MAU2: variants seen among roughly 807,000 people sequenced by gnomAD.
The protein encoded by MAU2 is MAU2 sister chromatid cohesion factor.
Under a neutral mutation model 89.1 loss-of-function variants are expected in MAU2, and 9 were observed. That is an observed-to-expected ratio of 0.10 (90% confidence interval 0.06 to 0.18). MAU2 has a LOEUF of 0.18. MAU2 is among the 10% of genes least tolerant of loss of function. The pLI, the probability that MAU2 is intolerant of heterozygous loss-of-function variation, is 1.00. For missense variants in MAU2, 425 were observed against 803.5 expected (o/e 0.53, Z 5.69); for synonymous variants, 357 against 343.4 (o/e 1.04, Z -0.44).
chr19:19,324,618 C>T (rs115809545), intron 1 of MAU2, among the ~76,000 whole-genome samples: 2,430 of 152,292 alleles, frequency 0.016, 73 homozygotes, highest in African/African-American at 0.056. Flanking sequence ...GCAAATTGCT[C>T]GCTTTACCAC....
In MAU2 at chr19:19,356,736, C is replaced by T. The variant is rs2285626; in HGVS notation, c.*954C>T. 0.18 allele frequency: 27,082 copies of T among 153,346 alleles called. 2,946 individuals carry two copies. Among genetic ancestry groups the T allele is most frequent in the African/African-American group, 0.29 (12,147 of 41,466 alleles). The allele number at this position is 153,346 out of a possible 1,614,324, so 9.5% of individuals were successfully genotyped here. On this transcript the variant is annotated 3_prime_UTR_variant, in exon 19 of 19. Coordinates refer to ENST00000262815, the MANE Select transcript of MAU2 (RefSeq NM_015329.4). ...AGCCTCTTGGTCCCCCCACTCCCTC[C>T]ACCGCCTCACCTTCCCTGCTGGGTC...
rs75080934 is a variant in MAU2 at position 19,333,887 on chromosome 19, C to G, written c.277-1831C>G. ...TGCTGCTTGTGTGTGGCAGTGCTGT[C>G]TACCCTGGACTGTGTCTGAAGAGCT... On this transcript the variant is annotated intron_variant, in intron 1 of 18. Transcript: ENST00000262815. 5.3e-3 allele frequency among the ~76,000 whole-genome samples: 803 copies of G among 152,314 alleles called. 1 individual carries two copies. Among genetic ancestry groups the G allele is most frequent in the Non-Finnish European group, 8.4e-3 (571 of 68,026 alleles).
chr19:19,353,650 G>C (rs2061762018), intron 16 of MAU2: 1 of 152,418 alleles, frequency 6.6e-6, no homozygotes, highest in African/African-American at 2.4e-5. Flanking sequence ...CCACATCCAG[G>C]CTTACAGGGC....
At chr19:19,337,119 G>A (rs371838937) in intron 3 of MAU2, 51 bp from the exon 4 acceptor site, 680 of 1,237,664 alleles carry the variant, frequency 5.5e-4, no homozygotes, top group Middle Eastern at 1.3e-3. Flanking sequence ...CTTGATTGCC[G>A]CCTTGTTTTT....
In MAU2 at chr19:19,355,301, T is replaced by C. The variant is rs1412761976; in HGVS notation, c.1677T>C (p.His559=). The C allele has an allele frequency of 6.2e-7, 1 of 1,614,118 alleles. No homozygotes were observed. The change falls in exon 18 of 19, where the codon CAT becomes CAC. Residue 559 remains histidine, a synonymous_variant. Coordinates refer to ENST00000262815, the MANE Select transcript of MAU2 (RefSeq NM_015329.4). ...NKACGNAMDA[H]EAAQMHQNFS... is the part of the protein sequence containing the mutation. Reference sequence around the variant, plus strand: ...CCTGTGGGAACGCCATGGATGCCCATGAAGCCGCCCAGATGCACCAGAACT... The same window carrying C: ...CCTGTGGGAACGCCATGGATGCCCACGAAGCCGCCCAGATGCACCAGAACT...
In MAU2 at chr19:19,356,232, G is replaced by A. The variant is rs770960427; in HGVS notation, c.*450G>A. On this transcript the variant is annotated 3_prime_UTR_variant, in exon 19 of 19. Coordinates refer to ENST00000262815, the MANE Select transcript of MAU2 (RefSeq NM_015329.4). Reference sequence around the variant, plus strand: ...CTGCTCAAGGCAATTTCCAGAGCCCGGATGCCAGTTTCTGGCCTGAATTTG... The same window carrying A: ...CTGCTCAAGGCAATTTCCAGAGCCCAGATGCCAGTTTCTGGCCTGAATTTG... 3.9e-5 allele frequency: 14 copies of A among 356,892 alleles called. No homozygotes were observed. Among genetic ancestry groups the A allele is most frequent in the African/African-American group, 2.6e-4 (12 of 46,916 alleles). The allele number at this position is 356,892 out of a possible 1,614,324, so 22.1% of individuals were successfully genotyped here. A position where few individuals can be genotyped will look rare whatever the true frequency, so the allele number is the denominator to read the frequency against.
intron 1 of MAU2, among the ~76,000 whole-genome samples, chr19:19,332,939 T>C (rs942936224): frequency 6.6e-6 from 1 of 151,986 alleles, no homozygotes; most frequent in Admixed American, 6.6e-5. Context: ...TAGCCAGGCA[T>C]GGTGGCGCAT....
In MAU2 at chr19:19,345,827, C is replaced by T. The variant is rs773041951; in HGVS notation, c.1221+458C>T. ...TGGGCCGGAGAGGGTGAAGCAGCAC[C>T]CCAGGCTCCTGGCCTTAGACGGGGG... On this transcript the variant is annotated intron_variant, in intron 12 of 18. Transcript: ENST00000262815. This position sits in a 1 kb window ranked among gnomAD's most constrained non-coding sequence, Gnocchi z 4.9. Among the ~76,000 whole-genome samples the T allele has an allele frequency of 6.6e-6, 1 of 152,268 alleles. No homozygotes were observed. Among genetic ancestry groups the T allele is most frequent in the South Asian group, 2.1e-4 (1 of 4,828 alleles).
chr19:19,342,447 C>T, intron 7 of MAU2, 88 bp from the exon 8 acceptor site: 3 of 1,440,376 alleles, frequency 2.1e-6, no homozygotes, highest in Non-Finnish European at 2.8e-6. Context: ...CAGATGCTCC[C>T]TAGAGGAAGG....
At chr19:19,352,920 C>G (rs1410637304) in intron 16 of MAU2, 2 of 152,380 alleles carry the variant, frequency 1.3e-5, no homozygotes, top group Non-Finnish European at 2.9e-5. Flanking sequence ...ACAGCCAAGC[C>G]AGTCCTGTGA....
intron 13 of MAU2, chr19:19,347,611 A>C (rs933830565): frequency 6.5e-6 from 3 of 464,692 alleles, no homozygotes; most frequent in African/African-American, 5.9e-5. Context: ...TATCACAAAC[A>C]AACCAAGCTG....
In MAU2 at chr19:19,336,199, T is replaced by C. The variant is rs368523759; in HGVS notation, c.360+12T>C. 6 of 1,602,852 alleles carry C rather than the reference T, an allele frequency of 3.7e-6. No homozygotes were observed. The highest frequency in any genetic ancestry group is 5.1e-6 in the Non-Finnish European group (6 of 1,170,656). On this transcript the variant is annotated intron_variant, in intron 3 of 18. Transcript: ENST00000262815. ...TGTACTGTCAAGAGGTAAGAACATA[T>C]TAAGGTTTCTGAAAGCAAAGTGTCT...
chr19:19,324,828 A>G (rs1447523326), intron 1 of MAU2, among the ~76,000 whole-genome samples: 7 of 152,166 alleles, frequency 4.6e-5, no homozygotes, highest in Admixed American at 4.6e-4. Context: ...AGTTAAAGTA[A>G]TGTTTTCTAT....
At chr19:19,331,501 C>CA (rs34924518) in intron 1 of MAU2, among the ~76,000 whole-genome samples, 83,815 of 144,798 alleles carry the variant, frequency 0.58, 24,882 homozygotes, top group East Asian at 0.67. Flanking sequence ...AACTCCGTCT[C>CA]AAAAAAAAAA....
chr19:19,344,869 G>A lies in MAU2; in HGVS notation c.1098G>A (p.Leu366=), dbSNP rs1409429455. 6.2e-7 allele frequency: 1 copy of A among 1,613,672 alleles called. No individual in the cohort carries two copies. The part of the protein sequence containing the change: ...ALQEISQVCQ[L]CQQSPRLFSN... ...GGCAGATCTCCCAGGTCTGCCAGCT[G>A]TGCCAGCAGTCCCCCCGGCTCTTCT... The change falls in exon 11 of 19, where the codon CTG becomes CTA. Residue 366 remains leucine (L), a synonymous_variant. Transcript: ENST00000262815.
chr19:19,356,237 C>T lies in MAU2; in HGVS notation c.*455C>T. ...CAAGGCAATTTCCAGAGCCCGGATG[C>T]CAGTTTCTGGCCTGAATTTGGAGGG... is the stretch of plus-strand genomic sequence containing the variant. On this transcript the variant is annotated 3_prime_UTR_variant, in exon 19 of 19. Coordinates refer to ENST00000262815, the MANE Select transcript of MAU2 (RefSeq NM_015329.4). 2.8e-6 allele frequency: 1 copy of T among 356,268 alleles called. No homozygotes were observed. 22.1% of individuals were successfully genotyped at this position (356,268 alleles called of 1,614,324 possible).
At position 19,348,879 on chromosome 19, in the gene MAU2, T is replaced by TC. The variant is rs1007878844; in HGVS notation, c.1309-5dup. Reference sequence around the variant, plus strand: ...TGCAGAATGGTGCTGACTGGCTCTTTCCCCCGCAGCTCTACAGTCTGCTGG... The same window carrying TC: ...TGCAGAATGGTGCTGACTGGCTCTTTCCCCCCGCAGCTCTACAGTCTGCTGG... On this transcript the variant is annotated splice_polypyrimidine_tract_variant and intron_variant, in intron 13 of 18. Coordinates refer to ENST00000262815, the MANE Select transcript of MAU2 (RefSeq NM_015329.4). 8.1e-6 allele frequency: 13 copies of TC among 1,613,912 alleles called. No homozygotes were observed. Among genetic ancestry groups the TC allele is most frequent in the Non-Finnish European group, 9.3e-6 (11 of 1,179,976 alleles).
At chr19:19,354,304 G>A (rs747033574) in intron 16 of MAU2, 51 bp from the exon 17 acceptor site, 17 of 1,482,774 alleles carry the variant, frequency 1.1e-5, no homozygotes, top group South Asian at 3.4e-5. Flanking sequence ...GGCTGGGTTC[G>A]GCAAGTGGGG....
In MAU2 at chr19:19,355,688, A is replaced by T. The variant is rs940804562; in HGVS notation, c.1768-20A>T. ...GAACGGTCCACAGTGCCTCACTCGC[A>T]TGTCCTCTCCTCCCCACAGTGGACA... On this transcript the variant is annotated intron_variant, in intron 18 of 18. Coordinates refer to ENST00000262815, the MANE Select transcript of MAU2 (RefSeq NM_015329.4). The T allele has an allele frequency of 3.5e-5, 56 of 1,598,436 alleles. No individual in the cohort carries two copies. Among genetic ancestry groups the T allele is most frequent in the Non-Finnish European group, 4.5e-5 (53 of 1,171,210 alleles).
Sources: gnomAD v4.1 joint callset for allele counts (sites outside exome capture counted in the v4.1 genomes callset) on GRCh38, gnomAD v4.1.1 for gene constraint, Gnocchi (gnomAD v3.1) non-coding constraint, MANE v1.5 for transcripts, NCBI Gene and HGNC (gene_info 2026-07-23, HGNC 2026-07-21) for gene names.